Variants in STYX observed in about 807,000 individuals in gnomAD.
The protein encoded by STYX is serine/threonine/tyrosine interacting protein.
Under a neutral mutation model 42.7 loss-of-function variants are expected in STYX, and 20 were observed. That is an observed-to-expected ratio of 0.47 (90% CI 0.33 to 0.68). STYX has a LOEUF of 0.68. STYX is among the 30% of genes least tolerant of loss of function. The pLI, the probability that STYX is intolerant of heterozygous loss-of-function variation, is 0.02. For missense variants in STYX, 226 were observed against 268.5 expected, an observed-to-expected ratio of 0.84 and a Z score of 1.11; for synonymous variants, 78 against 81.9, an observed-to-expected ratio of 0.95 and a Z score of 0.26.
chr14:52,730,612 T>G, intron 1 of STYX, 81 bp downstream of exon 1: 2 of 1,511,758 alleles, frequency 1.3e-6, no homozygotes, highest in Non-Finnish European at 1.8e-6. Context: ...CCAACCGTCT[T>G]AGCCGCCACC....
At chr14:52,746,841 G>A (rs772016806) in intron 3 of STYX, among the ~76,000 whole-genome samples, 1 of 152,190 alleles carries the variant, frequency 6.6e-6, no homozygotes, top group South Asian at 2.1e-4. Context: ...GAATTTCAAT[G>A]TTTAGTTAAA....
rs1882545041 is a variant in STYX at position 52,772,363 on chromosome 14, T to G, written c.*1257T>G. The G allele has an allele frequency of 6.6e-6, 1 of 152,430 alleles. No homozygotes were observed. The highest frequency in any genetic ancestry group is 1.5e-5 in the Non-Finnish European group (1 of 68,004). 9.4% of individuals were successfully genotyped at this position (152,430 alleles called of 1,614,324 possible). A position where few individuals can be genotyped will look rare whatever the true frequency, so the allele number is the denominator to read the frequency against. ...ATTTTAATCCATTCTTGACATTCAG[T>G]TAGTCCAGATCTGCCCCATAATTTG... On this transcript the variant is annotated 3_prime_UTR_variant, in exon 11 of 11. Transcript: ENST00000354586.
At chr14:52,741,218 AT>A (rs1299019124) in intron 1 of STYX, among the ~76,000 whole-genome samples, 1 of 94,168 alleles carries the variant, frequency 1.1e-5, no homozygotes, top group African/African-American at 3.9e-5. Context: ...TTTTATATAT[AT>A]ATATATATAT....
intron 1 of STYX, among the ~76,000 whole-genome samples, chr14:52,732,102 T>TTG (rs1382427791): frequency 1.7e-4 from 25 of 149,266 alleles, no homozygotes; most frequent in Non-Finnish European, 2.7e-4. Context: ...TTTTTTTTTT[T>TTG]TTTTTTTTTT....
Position 52,757,313 on chromosome 14 carries a change from C to T in STYX, c.304-6C>T. ...TTACATTAATCCACATGTCTTTTGCCTCCAGACTAAGGAATTTATTGATGG... is the reference window on the plus strand; with the variant it reads ...TTACATTAATCCACATGTCTTTTGCTTCCAGACTAAGGAATTTATTGATGG... On this transcript the variant is annotated splice_polypyrimidine_tract_variant and splice_region_variant and intron_variant, in intron 5 of 10. Coordinates refer to ENST00000354586, the MANE Select transcript of STYX (RefSeq NM_145251.4). 1.2e-6 allele frequency: 2 copies of T among 1,603,886 alleles called. No individual in the cohort carries two copies. The highest frequency in any genetic ancestry group is 2.2e-5 in the East Asian group (1 of 44,526).
intron 1 of STYX, among the ~76,000 whole-genome samples, chr14:52,732,108 T>G (rs1472649666): frequency 1.3e-5 from 2 of 149,930 alleles, no homozygotes; most frequent in Admixed American, 6.6e-5. Context: ...TTTTTTTTTT[T>G]TTTTTGACAC....
intron 10 of STYX, among the ~76,000 whole-genome samples, chr14:52,769,881 C>T (rs1282193799): frequency 3.3e-5 from 5 of 152,062 alleles, no homozygotes; most frequent in African/African-American, 9.7e-5. Context: ...TTGCCAAAGC[C>T]TCCTTTGGCT....
chr14:52,750,799 A>G lies in STYX; in HGVS notation c.242+19A>G. The stretch of plus-strand genomic sequence containing the variant: ...TATTTAGGTAAGAATTATTGCTATG[A>G]TTTGTAAAACACTTAATGAAGTTTC... On this transcript the variant is annotated intron_variant, in intron 4 of 10. Coordinates refer to ENST00000354586, the MANE Select transcript of STYX (RefSeq NM_145251.4). The G allele has an allele frequency of 2.0e-6, 3 of 1,466,628 alleles. No individual in the cohort carries two copies. Among genetic ancestry groups the G allele is most frequent in the Non-Finnish European group, 2.8e-6 (3 of 1,069,522 alleles). The allele number at this position is 1,466,628 out of a possible 1,614,324, so 90.9% of individuals were successfully genotyped here.
At chr14:52,737,072 C>T (rs1277886745) in intron 1 of STYX, among the ~76,000 whole-genome samples, 1 of 152,112 alleles carries the variant, frequency 6.6e-6, no homozygotes, top group African/African-American at 2.4e-5. Context: ...TGTTGCCCCC[C>T]ACCTCCAGCC....
chr14:52,755,121 G>GTTTTTTTTTTTTT (rs537098365), intron 4 of STYX, among the ~76,000 whole-genome samples: 18 of 139,272 alleles, frequency 1.3e-4, no homozygotes, highest in South Asian at 2.2e-4. Flanking sequence ...TTGTTTTTTT[G>GTTTTTTTTTTTTT]TTTTTTTTTT....
chr14:52,747,272 G>T (rs772750407), intron 3 of STYX, among the ~76,000 whole-genome samples: 1 of 152,134 alleles, frequency 6.6e-6, no homozygotes. Context: ...TTCTCTTTGA[G>T]TTACAACGTG....
At chr14:52,760,211 A>T (rs1375751637) in intron 9 of STYX, among the ~76,000 whole-genome samples, 1 of 151,726 alleles carries the variant, frequency 6.6e-6, no homozygotes, top group Non-Finnish European at 1.5e-5. Flanking sequence ...CTAAAAAATT[A>T]AAAAAACTTT....
chr14:52,753,899 T>A (rs1262129431), intron 4 of STYX, among the ~76,000 whole-genome samples: 1 of 101,506 alleles, frequency 9.9e-6, no homozygotes, highest in African/African-American at 4.4e-5. Context: ...CTGATTTTTT[T>A]TTTTTTTTTT....
chr14:52,740,890 A>T (rs1594866316), intron 1 of STYX, among the ~76,000 whole-genome samples: 1 of 152,244 alleles, frequency 6.6e-6, no homozygotes, highest in Non-Finnish European at 1.5e-5. Flanking sequence ...AGAAGGTTAC[A>T]TCTATTTCCA....
At chr14:52,768,146 G>A (rs1882381339) in intron 9 of STYX, among the ~76,000 whole-genome samples, 3 of 152,130 alleles carry the variant, frequency 2.0e-5, no homozygotes, top group African/African-American at 7.2e-5. Flanking sequence ...GGCCCACAGA[G>A]GAGTTATCTG....
intron 1 of STYX, among the ~76,000 whole-genome samples, chr14:52,742,222 T>C (rs1266632023): frequency 6.6e-6 from 1 of 152,218 alleles, no homozygotes; most frequent in Non-Finnish European, 1.5e-5. Context: ...ACAAGAGTAC[T>C]CACTTCTGTG....
chr14:52,763,882 C>A (rs931942464), intron 9 of STYX, among the ~76,000 whole-genome samples: 3 of 151,968 alleles, frequency 2.0e-5, no homozygotes, highest in Middle Eastern at 3.2e-3. Flanking sequence ...TTTATTTTTT[C>A]TTTATTTCCC....
intron 1 of STYX, among the ~76,000 whole-genome samples, chr14:52,733,227 G>A (rs1880805547): frequency 6.6e-6 from 1 of 152,214 alleles, no homozygotes; most frequent in African/African-American, 2.4e-5. Flanking sequence ...CCCGGACTTT[G>A]CATTTAATCT....
chr14:52,759,627 T>C (rs1882014777), intron 8 of STYX, 55 bp from the exon 9 acceptor site: 2 of 1,221,204 alleles, frequency 1.6e-6, no homozygotes, highest in Non-Finnish European at 2.4e-6. Flanking sequence ...GTTGTATGAT[T>C]ATGATTAATT....
Sources: allele counts gnomAD v4.1 joint callset (sites outside exome capture counted in the v4.1 genomes callset), GRCh38; gene constraint gnomAD v4.1.1; transcripts MANE v1.5; gene names NCBI Gene and HGNC (gene_info 2026-07-23, HGNC 2026-07-21).